BNIP3L: variants seen among roughly 807,000 people sequenced by gnomAD.
BNIP3L encodes the protein BCL2 interacting protein 3 like.
Under a neutral mutation model 25.5 loss-of-function variants are expected in BNIP3L, and 10 were observed. The ratio of observed to expected loss-of-function variants is 0.39; its 90% CI spans 0.24 to 0.67. BNIP3L has a LOEUF of 0.67. BNIP3L is among the 30% of genes least tolerant of loss of function. The pLI is 0.45. For synonymous variants in BNIP3L, 113 were observed against 101.2 expected (o/e 1.12, Z -0.70); for missense variants, 215 against 270.9 (o/e 0.79, Z 1.45).
At chr8:26,408,197 A>G in intron 4 of BNIP3L, 30 bp from the exon 5 acceptor site, 5 of 1,612,316 alleles carry the variant, frequency 3.1e-6, no homozygotes, top group Non-Finnish European at 4.2e-6. Context: ...TTTTCAGCAA[A>G]TGACATCTGC....
At chr8:26,395,117 T>G in intron 2 of BNIP3L, 113 bp from the exon 3 acceptor site, 3 of 1,004,108 alleles carry the variant, frequency 3.0e-6, no homozygotes, top group Middle Eastern at 2.1e-4. Context: ...ATTCTCTGAT[T>G]TGCTTTTTCA....
intron 1 of BNIP3L, among the ~76,000 whole-genome samples, chr8:26,387,891 A>G (rs1806025141): frequency 6.6e-6 from 1 of 152,244 alleles, no homozygotes; most frequent in Non-Finnish European, 1.5e-5. Flanking sequence ...TGCCATTTAG[A>G]TAATGGTTAA....
chr8:26,401,561 T>TAAAAAAAAAAAA (rs1173522728), intron 3 of BNIP3L, among the ~76,000 whole-genome samples: 3 of 48,524 alleles, frequency 6.2e-5, no homozygotes, highest in Admixed American at 2.3e-4. Flanking sequence ...AAACTTAAAT[T>TAAAAAAAAAAAA]AAAAAAAAAA....
intron 1 of BNIP3L, chr8:26,390,231 T>C: frequency 1.9e-6 from 1 of 540,090 alleles, no homozygotes; most frequent in Non-Finnish European, 2.4e-6. Context: ...TGGGATTACA[T>C]GTGTGAGCCA....
intron 1 of BNIP3L, among the ~76,000 whole-genome samples, chr8:26,389,626 A>G (rs1270968859): frequency 6.6e-6 from 1 of 152,226 alleles, no homozygotes; most frequent in Non-Finnish European, 1.5e-5. Context: ...TATTTATAAA[A>G]GAAAATTCTA....
At chr8:26,404,801 C>T (rs1014714530) in intron 3 of BNIP3L, among the ~76,000 whole-genome samples, 1 of 152,206 alleles carries the variant, frequency 6.6e-6, no homozygotes, top group Admixed American at 6.5e-5. Flanking sequence ...AGCCATGGTG[C>T]CCAGCCAGAA....
At chr8:26,391,134 T>G (rs1397386495) in intron 1 of BNIP3L, 109 bp from the exon 2 acceptor site, 2 of 874,588 alleles carry the variant, frequency 2.3e-6, no homozygotes, top group Non-Finnish European at 3.3e-6. Context: ...ACTTTTACAT[T>G]TGGTTTGAGG....
chr8:26,403,124 C>G (rs918762001), intron 3 of BNIP3L, among the ~76,000 whole-genome samples: 2 of 152,134 alleles, frequency 1.3e-5, no homozygotes, highest in African/African-American at 4.8e-5. Context: ...AGAGGAGGTA[C>G]TTACTTTATG....
Position 26,390,426 on chromosome 8 carries a change from A to G in BNIP3L, c.101-817A>G, listed in dbSNP as rs953348433. The stretch of plus-strand genomic sequence containing the variant: ...TCGTGTTTGCCTGTAGCTGATGTGC[A>G]GTTGTTTCTGCTCCCAAATCAACAG... On this transcript the variant is annotated intron_variant, in intron 1 of 5. Coordinates refer to ENST00000380629, the MANE Select transcript of BNIP3L (RefSeq NM_004331.3). 11 of 985,286 alleles carry G rather than the reference A, an allele frequency of 1.1e-5. No individual in the cohort carries two copies. In the South Asian group the frequency reaches 1.9e-4, roughly 17 times the overall value. 61.0% of individuals were successfully genotyped at this position (985,286 alleles called of 1,614,324 possible). A position where few individuals can be genotyped will look rare whatever the true frequency, so the allele number is the denominator to read the frequency against.
At chr8:26,393,707 G>T (rs559462642) in intron 2 of BNIP3L, among the ~76,000 whole-genome samples, 3 of 152,194 alleles carry the variant, frequency 2.0e-5, no homozygotes, top group African/African-American at 7.2e-5. Flanking sequence ...CCCTTAACTT[G>T]ATGTGTAGCT....
At chr8:26,387,249 G>T (rs952530779) in intron 1 of BNIP3L, among the ~76,000 whole-genome samples, 1 of 152,132 alleles carries the variant, frequency 6.6e-6, no homozygotes, top group African/African-American at 2.4e-5. Context: ...GAACGGAGAA[G>T]CATTCACAGA....
chr8:26,393,425 G>C (rs1427211827), intron 2 of BNIP3L, among the ~76,000 whole-genome samples: 2 of 148,368 alleles, frequency 1.3e-5, no homozygotes, highest in Non-Finnish European at 3.0e-5. Flanking sequence ...TTTTAAAAAT[G>C]GCAGCACATG....
At chr8:26,387,408 C>G (rs548304160) in intron 1 of BNIP3L, among the ~76,000 whole-genome samples, 74 of 152,318 alleles carry the variant, frequency 4.9e-4, no homozygotes, top group Non-Finnish European at 6.8e-4. Flanking sequence ...TTTTAGTTTT[C>G]AAGCTTGATC....
At chr8:26,393,712 G>A (rs1046982449) in intron 2 of BNIP3L, among the ~76,000 whole-genome samples, 1 of 152,094 alleles carries the variant, frequency 6.6e-6, no homozygotes, top group African/African-American at 2.4e-5. Flanking sequence ...AACTTGATGT[G>A]TAGCTGTGAA....
In BNIP3L at chr8:26,395,235, C is replaced by A; in HGVS notation, c.290C>A (p.Ser97Ter). 1 of 1,613,968 alleles carries A rather than the reference C, an allele frequency of 6.2e-7. No individual in the cohort carries two copies. The highest frequency in any genetic ancestry group is 8.5e-7 in the Non-Finnish European group (1 of 1,179,900). Residue 97 changes from serine (S) to a stop codon, truncating the protein, a stop_gained, in exon 3 of 6, where the codon TCG (serine) becomes TAG (stop). Transcript: ENST00000380629. LOFTEE classifies it high-confidence loss of function. ...SRGSSHCDSP[S>*]PQEDGQIMFD... ...CTGAATTCCTTCTCTTCTAGCCCTTCGCCACAAGAAGATGGGCAGATCATG... is the reference window on the plus strand; with the variant it reads ...CTGAATTCCTTCTCTTCTAGCCCTTAGCCACAAGAAGATGGGCAGATCATG...
chr8:26,391,485 C>T, intron 2 of BNIP3L, 59 bp downstream of exon 2: 1 of 1,380,964 alleles, frequency 7.2e-7, no homozygotes, highest in Non-Finnish European at 9.6e-7. Context: ...AGGGCTCATT[C>T]ACTCTAGGAA....
intron 3 of BNIP3L, among the ~76,000 whole-genome samples, chr8:26,401,827 T>C (rs1465136358): frequency 6.6e-6 from 1 of 152,210 alleles, no homozygotes; most frequent in Admixed American, 6.5e-5. Context: ...TACAAATGTT[T>C]GTGTTATAAG....
intron 1 of BNIP3L, chr8:26,390,634 C>A: frequency 1.2e-6 from 1 of 835,350 alleles, no homozygotes. Flanking sequence ...GCATTATTAC[C>A]TGATTTAGTT....
At chr8:26,383,465 C>A in intron 1 of BNIP3L, 1 of 1,222,390 alleles carries the variant, frequency 8.2e-7, no homozygotes, top group South Asian at 1.7e-5. Context: ...GCTCGCGGTC[C>A]GGGAGCGGCG....
Sources: allele counts gnomAD v4.1 joint callset (sites outside exome capture counted in the v4.1 genomes callset), GRCh38; gene constraint gnomAD v4.1.1; transcripts MANE v1.5; gene names NCBI Gene and HGNC (gene_info 2026-07-23, HGNC 2026-07-21).